The following COPG2 variants were observed in gnomAD, a reference collection of about 807,000 sequenced individuals.
COPG2 encodes coat protein complex I subunit gamma 2.
COPG2 carries 37 observed loss-of-function variants against 46.3 expected under a neutral mutation model. That is an observed-to-expected ratio of 0.80 (90% CI 0.61 to 1.05). The LOEUF (loss-of-function observed/expected upper bound fraction) is 1.05. COPG2 is among the 50% of genes least tolerant of loss of function. The probability of loss-of-function intolerance (pLI) is 0.00; values close to 1 mark genes in which losing one functional copy is unlikely to be tolerated. For synonymous variants in COPG2, 159 were observed against 129.7 expected, an observed-to-expected ratio of 1.23 and a Z score of -1.53; for missense variants, 427 against 387.8, an observed-to-expected ratio of 1.10 and a Z score of -0.85.
intron 4 of COPG2, among the ~76,000 whole-genome samples, chr7:130,661,763 G>A (rs768761054): frequency 6.6e-6 from 1 of 152,178 alleles, no homozygotes; most frequent in Non-Finnish European, 1.5e-5. Context: ...GGGTTAATTA[G>A]TTGTTTCTAG....
intron 12 of COPG2, among the ~76,000 whole-genome samples, chr7:130,557,966 G>A (rs993833419): frequency 4.6e-5 from 7 of 151,422 alleles, no homozygotes; most frequent in Non-Finnish European, 8.8e-5. Context: ...CAATATATAA[G>A]TAGAAAAGAC....
intron 5 of COPG2, among the ~76,000 whole-genome samples, chr7:130,624,264 A>T (rs987783111): frequency 1.3e-5 from 2 of 152,158 alleles, no homozygotes; most frequent in Admixed American, 1.3e-4. Flanking sequence ...AAACATTCAG[A>T]CAAGAGTAAG....
intron 4 of COPG2, among the ~76,000 whole-genome samples, chr7:130,655,939 T>C (rs1220659225): frequency 6.6e-6 from 1 of 152,212 alleles, no homozygotes; most frequent in Non-Finnish European, 1.5e-5. Flanking sequence ...AGTTATTCTT[T>C]TTTTATTAAT....
At chr7:130,631,343 A>G (rs1456326863) in intron 5 of COPG2, among the ~76,000 whole-genome samples, 1 of 151,726 alleles carries the variant, frequency 6.6e-6, no homozygotes, top group Non-Finnish European at 1.5e-5. Context: ...TTCTTAGTAG[A>G]GATGGGGTTT....
At chr7:130,538,882 T>A (rs1799909711) in intron 20 of COPG2, among the ~76,000 whole-genome samples, 1 of 151,886 alleles carries the variant, frequency 6.6e-6, no homozygotes, top group East Asian at 1.9e-4. Flanking sequence ...ACTACAGAGG[T>A]GCAGTGAAGT....
At chr7:130,610,488 C>G (rs1554451863) in intron 9 of COPG2, 1 of 516,438 alleles carries the variant, frequency 1.9e-6, no homozygotes, top group Non-Finnish European at 3.9e-6. Flanking sequence ...CTTACTATAC[C>G]TCAAAAGATT....
intron 4 of COPG2, among the ~76,000 whole-genome samples, chr7:130,658,702 A>C (rs1487259016): frequency 6.6e-6 from 1 of 150,956 alleles, no homozygotes; most frequent in Non-Finnish European, 1.5e-5. Flanking sequence ...TTTTTTTGAC[A>C]CGGAGTCTTG....
intron 17 of COPG2, among the ~76,000 whole-genome samples, chr7:130,550,304 G>A (rs1408822765): frequency 4.0e-5 from 6 of 150,980 alleles, no homozygotes; most frequent in Non-Finnish European, 7.4e-5. Flanking sequence ...CCAGCTACTC[G>A]GAAGGCTGAG....
chr7:130,587,135 C>T (rs1324580561), intron 9 of COPG2, among the ~76,000 whole-genome samples: 1 of 151,732 alleles, frequency 6.6e-6, no homozygotes, highest in African/African-American at 2.4e-5. Flanking sequence ...GATGAAACCC[C>T]GTCTCTACTG....
intron 3 of COPG2, among the ~76,000 whole-genome samples, chr7:130,663,792 G>A (rs1796024632): frequency 7.8e-6 from 1 of 128,354 alleles, no homozygotes; most frequent in Admixed American, 9.4e-5. Flanking sequence ...AGGTTGGAGT[G>A]CAATGGCGCA....
chr7:130,599,434 G>T (rs145997323), intron 9 of COPG2, among the ~76,000 whole-genome samples: 1 of 151,950 alleles, frequency 6.6e-6, no homozygotes, highest in African/African-American at 2.4e-5. Flanking sequence ...ACCCGCATTG[G>T]GTATGAGTGG....
chr7:130,533,786 A>T lies in COPG2; in HGVS notation c.2149+13888T>A, dbSNP rs946133556. Among the ~76,000 whole-genome samples the T allele has an allele frequency of 3.9e-5, 6 of 152,282 alleles. No homozygotes were observed. The East Asian group carries it at 1.2e-3, about 29-fold the overall frequency. Reference sequence around the variant, plus strand: ...GGTAGGGAACATGGACTAGATGCTGAAGACCAATCAGAGGGTTTCATAAAG... The same window carrying T: ...GGTAGGGAACATGGACTAGATGCTGTAGACCAATCAGAGGGTTTCATAAAG... On this transcript the variant is annotated intron_variant, in intron 20 of 23. Coordinates refer to ENST00000425248, the MANE Select transcript of COPG2 (RefSeq NM_012133.6).
At chr7:130,563,148 T>C (rs934744764) in intron 11 of COPG2, 121 bp downstream of exon 11, 3 of 384,214 alleles carry the variant, frequency 7.8e-6, no homozygotes, top group East Asian at 3.7e-5. Flanking sequence ...AAGTGAAGTG[T>C]TGTAGAGGTG....
chr7:130,667,667 C>T (rs1796115415), intron 1 of COPG2, 133 bp from the exon 2 acceptor site: 1 of 569,086 alleles, frequency 1.8e-6, no homozygotes, highest in Admixed American at 3.3e-5. Flanking sequence ...GGCTAATACG[C>T]ATACGAACTG....
chr7:130,549,395 G>C lies in COPG2; in HGVS notation c.1775-19C>G, dbSNP rs1379020148. 2.0e-5 allele frequency: 8 copies of C among 398,426 alleles called. No individual in the cohort carries two copies. Among genetic ancestry groups the C allele is most frequent in the Non-Finnish European group, 3.1e-5 (7 of 226,040 alleles). The allele number at this position is 398,426 out of a possible 1,614,324, so 24.7% of individuals were successfully genotyped here. ...GTGATTTCTATAAAGACAGATATGA[G>C]CAAGTAAGTGAACTTCTCCCACTAC... is the stretch of plus-strand genomic sequence containing the variant. On this transcript the variant is annotated intron_variant, in intron 17 of 23. Transcript: ENST00000425248.
chr7:130,527,357 T>G (rs1356116358), intron 20 of COPG2, among the ~76,000 whole-genome samples: 1 of 145,154 alleles, frequency 6.9e-6, no homozygotes, highest in African/African-American at 2.6e-5. Flanking sequence ...GGTCTTTGAG[T>G]AGGAAGTGTA....
Position 130,591,077 on chromosome 7 carries a change from G to A in COPG2, c.737+19876C>T, listed in dbSNP as rs587615608. Among the ~76,000 whole-genome samples, 397 of 144,764 alleles carry A rather than the reference G, an allele frequency of 2.7e-3. 5 individuals are homozygous for A. The highest frequency in any genetic ancestry group is 8.1e-3 in the African/African-American group (326 of 40,226). The allele number at this position is 144,764 out of a possible 152,430, so 95.0% of individuals were successfully genotyped here. A position where few individuals can be genotyped will look rare whatever the true frequency, so the allele number is the denominator to read the frequency against. ...AGCCCCCCGCCCGGCCAGCCGCCCC[G>A]TCCAGAAGGGAGGTGGGGGGGTCAG... is the stretch of plus-strand genomic sequence containing the variant. On this transcript the variant is annotated intron_variant, in intron 9 of 23. Coordinates refer to ENST00000425248, the MANE Select transcript of COPG2 (RefSeq NM_012133.6).
intron 4 of COPG2, among the ~76,000 whole-genome samples, chr7:130,660,096 G>A (rs3847101): frequency 0.79 from 120,700 of 152,064 alleles, 48,219 homozygotes; most frequent in Non-Finnish European, 0.85. Flanking sequence ...GGAGCTCCAC[G>A]TATTTCTGGC....
chr7:130,539,080 G>C (rs1020404917), intron 20 of COPG2, among the ~76,000 whole-genome samples: 6 of 152,144 alleles, frequency 3.9e-5, no homozygotes, highest in African/African-American at 1.4e-4. Context: ...CAGGATGGAT[G>C]GCAGGACCTG....
Sources: allele counts gnomAD v4.1 joint callset (sites outside exome capture counted in the v4.1 genomes callset), GRCh38; gene constraint gnomAD v4.1.1; transcripts MANE v1.5; gene names NCBI Gene and HGNC (gene_info 2026-07-23, HGNC 2026-07-21).